ITGBL1: variants seen among roughly 807,000 people sequenced by gnomAD.
The protein encoded by ITGBL1 is integrin beta-like protein 1.
A neutral mutation model predicts 68.5 loss-of-function variants in ITGBL1; 51 were observed. The observed-to-expected ratio is 0.74, with a 90% CI of 0.59 to 0.94. ITGBL1 has a LOEUF of 0.94. Among genes scored for constraint, ITGBL1 ranks in the 40% least tolerant of loss-of-function variants. ITGBL1 has a pLI of 0.00. For synonymous variants in ITGBL1, 209 were observed against 227.3 expected (o/e 0.92, Z 0.72); for missense variants, 649 against 647.4 (o/e 1.00, Z -0.03).
At chr13:101,521,618 C>T (rs9582500) in intron 2 of ITGBL1, among the ~76,000 whole-genome samples, 111,648 of 151,606 alleles carry the variant, frequency 0.74, 41,179 homozygotes, top group South Asian at 0.78. Flanking sequence ...GGAGTCTCAT[C>T]GAACCAGCTC....
At chr13:101,605,693 T>C (rs1248886169) in intron 7 of ITGBL1, among the ~76,000 whole-genome samples, 4 of 151,654 alleles carry the variant, frequency 2.6e-5, no homozygotes, top group South Asian at 2.1e-4. Context: ...CGTATACACG[T>C]ATGTAGACTT....
intron 2 of ITGBL1, among the ~76,000 whole-genome samples, chr13:101,503,958 C>T (rs1185430382): frequency 6.6e-6 from 1 of 152,150 alleles, no homozygotes; most frequent in East Asian, 1.9e-4. Context: ...TCATTATTCT[C>T]ACTTTGATGG....
chr13:101,645,099 A>T (rs2032516190), intron 7 of ITGBL1, among the ~76,000 whole-genome samples: 1 of 152,084 alleles, frequency 6.6e-6, no homozygotes, highest in Non-Finnish European at 1.5e-5. Flanking sequence ...TATTTTGAGG[A>T]AGTGTAAAGG....
intron 2 of ITGBL1, among the ~76,000 whole-genome samples, chr13:101,461,298 A>C (rs2048314265): frequency 6.6e-6 from 1 of 152,042 alleles, no homozygotes; most frequent in African/African-American, 2.4e-5. Context: ...GATATCATAA[A>C]CCCCCACAAA....
intron 8 of ITGBL1, among the ~76,000 whole-genome samples, chr13:101,703,071 T>G (rs2034171729): frequency 6.6e-6 from 1 of 152,074 alleles, no homozygotes; most frequent in Non-Finnish European, 1.5e-5. Flanking sequence ...AAGACTACAG[T>G]GCTGACAGAA....
intron 7 of ITGBL1, among the ~76,000 whole-genome samples, chr13:101,673,969 A>T (rs2033438797): frequency 6.6e-6 from 1 of 152,200 alleles, no homozygotes; most frequent in Non-Finnish European, 1.5e-5. Context: ...CCACAGAATG[A>T]TTAGTCAGCA....
At chr13:101,582,930 A>G (rs565818046) in intron 5 of ITGBL1, among the ~76,000 whole-genome samples, 1 of 152,304 alleles carries the variant, frequency 6.6e-6, no homozygotes, top group East Asian at 1.9e-4. Flanking sequence ...GGAAAGGATT[A>G]TATCTTATAT....
chr13:101,459,058 G>C (rs942681090), intron 2 of ITGBL1, among the ~76,000 whole-genome samples: 1 of 152,192 alleles, frequency 6.6e-6, no homozygotes, highest in Non-Finnish European at 1.5e-5. Flanking sequence ...AAGTGTGATG[G>C]AACTGATGGA....
At chr13:101,462,065 T>C (rs1040062786) in intron 2 of ITGBL1, among the ~76,000 whole-genome samples, 1 of 152,172 alleles carries the variant, frequency 6.6e-6, no homozygotes, top group African/African-American at 2.4e-5. Context: ...TTGCTGGCTG[T>C]CAGTTGGGGT....
At chr13:101,597,419 CAAAAAAA>C (rs35737952) in intron 6 of ITGBL1, among the ~76,000 whole-genome samples, 4 of 127,224 alleles carry the variant, frequency 3.1e-5, no homozygotes, top group East Asian at 2.2e-4. Flanking sequence ...GTCTAAAAAG[CAAAAAAA>C]AAAAAAAAAA....
chr13:101,535,147 CATT>C (rs1248538569), intron 2 of ITGBL1, among the ~76,000 whole-genome samples: 1 of 152,048 alleles, frequency 6.6e-6, no homozygotes, highest in Non-Finnish European at 1.5e-5. Flanking sequence ...CCCTTAGCTG[CATT>C]ATGCTCAATA....
intron 2 of ITGBL1, among the ~76,000 whole-genome samples, chr13:101,494,836 T>C (rs1055692267): frequency 1.3e-5 from 2 of 152,318 alleles, no homozygotes; most frequent in East Asian, 1.9e-4. Flanking sequence ...TAAAAGTCTA[T>C]GAAATACTTA....
At chr13:101,598,857 C>T (rs970684541) in intron 7 of ITGBL1, among the ~76,000 whole-genome samples, 6 of 152,052 alleles carry the variant, frequency 3.9e-5, no homozygotes, top group African/African-American at 1.5e-4. Context: ...TGAGTTGGTT[C>T]CAAGTCTTTG....
At chr13:101,629,276 G>C (rs895187954) in intron 7 of ITGBL1, among the ~76,000 whole-genome samples, 1 of 152,094 alleles carries the variant, frequency 6.6e-6, no homozygotes, top group Non-Finnish European at 1.5e-5. Context: ...TGCTGTAAGA[G>C]AGTAGGGATT....
chr13:101,717,361 T>C (rs1009349612), downstream of ITGBL1: 2 of 152,152 alleles, frequency 1.3e-5, no homozygotes, highest in African/African-American at 4.8e-5. Flanking sequence ...AGTTCTATTA[T>C]TGAGTACGTA....
chr13:101,565,136 A>G (rs767475848), intron 2 of ITGBL1, among the ~76,000 whole-genome samples: 5 of 152,044 alleles, frequency 3.3e-5, no homozygotes, highest in African/African-American at 4.8e-5. Context: ...GTGCTTTGTT[A>G]TGGAAGATTC....
intron 2 of ITGBL1, among the ~76,000 whole-genome samples, chr13:101,488,744 G>A (rs2048735098): frequency 6.6e-6 from 1 of 152,044 alleles, no homozygotes; most frequent in Admixed American, 6.5e-5. Flanking sequence ...TCTTCCTCAT[G>A]GAATTTTTTG....
At chr13:101,549,575 A>G (rs867687156) in intron 2 of ITGBL1, among the ~76,000 whole-genome samples, 4 of 152,056 alleles carry the variant, frequency 2.6e-5, no homozygotes, top group South Asian at 2.1e-4. Context: ...AATAATGAAA[A>G]TGTTCAAGAC....
intron 2 of ITGBL1, among the ~76,000 whole-genome samples, chr13:101,540,829 G>A (rs1312550303): frequency 7.0e-6 from 1 of 143,422 alleles, no homozygotes; most frequent in South Asian, 2.4e-4. Context: ...GTGAATGGGA[G>A]TTCACTCATG....
Sources: allele counts gnomAD v4.1 joint callset (sites outside exome capture counted in the v4.1 genomes callset), GRCh38; gene constraint gnomAD v4.1.1; transcripts MANE v1.5; gene names NCBI Gene and HGNC (gene_info 2026-07-23, HGNC 2026-07-21).